GNAI2: variants seen among roughly 807,000 people sequenced by gnomAD.
GNAI2 encodes guanine nucleotide-binding protein G(i) subunit alpha-2.
GNAI2 carries 4 observed loss-of-function variants against 36.8 expected under a neutral mutation model. The ratio of observed to expected loss-of-function variants is 0.11; its 90% confidence interval spans 0.05 to 0.25. GNAI2 has a LOEUF of 0.25. GNAI2 is among the 10% of genes least tolerant of loss of function. The probability of loss-of-function intolerance (pLI) is 1.00; values close to 1 mark genes in which losing one functional copy is unlikely to be tolerated. For missense variants in GNAI2, 230 were observed against 481.3 expected (o/e 0.48, Z 4.89); for synonymous variants, 194 against 194.1 (o/e 1.00, Z 0.01).
In GNAI2 at chr3:50,238,020, T is replaced by A. The variant is rs782804823; in HGVS notation, c.118+1567T>A. On this transcript the variant is annotated intron_variant, in intron 1 of 8. Coordinates refer to ENST00000313601, the MANE Select transcript of GNAI2 (RefSeq NM_002070.4). This position sits in a 1 kb window ranked among gnomAD's most constrained non-coding sequence, Gnocchi z 5.0. ...TTCAAAATGGCATCCGCTTCGCTGC[T>A]GCCTCAGGGAGGAAGAGAAGGGGCG... 2.4e-4 allele frequency: 36 copies of A among 152,396 alleles called. No individual in the cohort carries two copies. The highest frequency in any genetic ancestry group is 8.2e-4 in the African/African-American group (34 of 41,588). 9.4% of individuals were successfully genotyped at this position (152,396 alleles called of 1,614,324 possible).
intron 1 of GNAI2, chr3:50,239,970 T>A (rs587740407): frequency 6.6e-6 from 1 of 152,434 alleles, no homozygotes; most frequent in African/African-American, 2.4e-5. Flanking sequence ...TAGCAAGGGC[T>A]CAATGAAGTT....
chr3:50,257,294 A>C (rs1227030942), intron 7 of GNAI2, among the ~76,000 whole-genome samples: 1 of 152,196 alleles, frequency 6.6e-6, no homozygotes, highest in African/African-American at 2.4e-5. Context: ...ACCCCTGAAC[A>C]TGTGTACATG....
chr3:50,258,897 GGAA>G lies in GNAI2; in HGVS notation c.*555_*557del. On this transcript the variant is annotated 3_prime_UTR_variant, in exon 9 of 9. Transcript: ENST00000313601. Reference sequence around the variant, plus strand: ...AGCTTTTTAAAAAAATGAAAGTAAAGGAAAAAAAAAAAACTGCAAATCTAGAAA... The same window carrying G: ...AGCTTTTTAAAAAAATGAAAGTAAAGAAAAAAAAAACTGCAAATCTAGAAA... The G allele has an allele frequency of 5.0e-6, 2 of 398,936 alleles. No individual in the cohort carries two copies. Among genetic ancestry groups the G allele is most frequent in the Admixed American group, 1.1e-4 (2 of 18,328 alleles). The allele number at this position is 398,936 out of a possible 1,614,324, so 24.7% of individuals were successfully genotyped here.
Position 50,241,092 on chromosome 3 carries a change from T to C in GNAI2, c.118+4639T>C, listed in dbSNP as rs1315661496. The stretch of plus-strand genomic sequence containing the variant: ...CACAGCAAGTGGGGAGCCCAAGGCG[T>C]GCAGATAGTTGGTGCCAGCAGGAGT... On this transcript the variant is annotated intron_variant, in intron 1 of 8. Transcript: ENST00000313601. This position sits in a 1 kb window ranked among gnomAD's most constrained non-coding sequence, Gnocchi z 5.0. Among the ~76,000 whole-genome samples the C allele has an allele frequency of 6.6e-6, 1 of 152,062 alleles. No homozygotes were observed. Among genetic ancestry groups the C allele is most frequent in the Non-Finnish European group, 1.5e-5 (1 of 67,996 alleles).
rs1553703717 is a variant in GNAI2 at position 50,258,967 on chromosome 3, C to T, written c.*624C>T. ...CTATTTAAAACTGTCAGATCCTGAC[C>T]AGCAAGCCCCCCCCCAGCCCCCCTT... is the stretch of plus-strand genomic sequence containing the variant. On this transcript the variant is annotated 3_prime_UTR_variant, in exon 9 of 9. Coordinates refer to ENST00000313601, the MANE Select transcript of GNAI2 (RefSeq NM_002070.4). 1 of 450,728 alleles carries T rather than the reference C, an allele frequency of 2.2e-6. No individual in the cohort carries two copies. Among genetic ancestry groups the T allele is most frequent in the Non-Finnish European group, 4.4e-6 (1 of 225,464 alleles). 27.9% of individuals were successfully genotyped at this position (450,728 alleles called of 1,614,324 possible).
rs1553702663 is a variant in GNAI2 at position 50,252,561 on chromosome 3, T to C, written c.303+23T>C. The C allele has an allele frequency of 3.1e-6, 5 of 1,598,196 alleles. No homozygotes were observed. Among genetic ancestry groups the C allele is most frequent in the Non-Finnish European group, 4.3e-6 (5 of 1,169,032 alleles). On this transcript the variant is annotated intron_variant, in intron 3 of 8. Coordinates refer to ENST00000313601, the MANE Select transcript of GNAI2 (RefSeq NM_002070.4). The surrounding 1 kb of genome is among the most constrained non-coding windows in gnomAD (Gnocchi z 4.1). ...GCGGTATGTGCCCTCCGCCCCACCC[T>C]CTCCCACCTCCCAAAAGGTTTCGGG...
In GNAI2 at chr3:50,255,789, G is replaced by A. The variant is rs921950403; in HGVS notation, c.465-403G>A. 6.6e-6 allele frequency among the ~76,000 whole-genome samples: 1 copy of A among 152,106 alleles called. No individual in the cohort carries two copies. Among genetic ancestry groups the A allele is most frequent in the African/African-American group, 2.4e-5 (1 of 41,412 alleles). ...GCCTAGGCCAGGCGCAGTGGCTCAC[G>A]CCTGTAATCCCAGCACTCTGGGAGG... On this transcript the variant is annotated intron_variant, in intron 4 of 8. Coordinates refer to ENST00000313601, the MANE Select transcript of GNAI2 (RefSeq NM_002070.4). This position sits in a 1 kb window ranked among gnomAD's most constrained non-coding sequence, Gnocchi z 4.0.
At chr3:50,254,639 A>G (rs1329830830) in intron 4 of GNAI2, among the ~76,000 whole-genome samples, 1 of 152,184 alleles carries the variant, frequency 6.6e-6, no homozygotes, top group Non-Finnish European at 1.5e-5. Flanking sequence ...TGGCCCAGCC[A>G]CCAGCGAGCT....
intron 1 of GNAI2, among the ~76,000 whole-genome samples, chr3:50,243,768 T>G (rs1352497044): frequency 2.0e-5 from 3 of 152,200 alleles, no homozygotes; most frequent in African/African-American, 7.2e-5. Flanking sequence ...ATGACCCATG[T>G]AGTGATTAAG....
Position 50,252,091 on chromosome 3 carries a change from C to T in GNAI2, c.119-9C>T. On this transcript the variant is annotated splice_polypyrimidine_tract_variant and intron_variant, in intron 1 of 8. Transcript: ENST00000313601. This position sits in a 1 kb window ranked among gnomAD's most constrained non-coding sequence, Gnocchi z 4.1. ...CCTGCCCCCTGACCACCTGTGCCCT[C>T]TGTTCCAGGTGCTGGGGAGTCAGGG... is the stretch of plus-strand genomic sequence containing the variant. 1 of 1,613,726 alleles carries T rather than the reference C, an allele frequency of 6.2e-7. No homozygotes were observed. The highest frequency in any genetic ancestry group is 8.5e-7 in the Non-Finnish European group (1 of 1,179,708).
rs1700293094 is a variant in GNAI2 at position 50,241,270 on chromosome 3, A to G, written c.118+4817A>G. On this transcript the variant is annotated intron_variant, in intron 1 of 8. Coordinates refer to ENST00000313601, the MANE Select transcript of GNAI2 (RefSeq NM_002070.4). The surrounding 1 kb of genome is among the most constrained non-coding windows in gnomAD (Gnocchi z 5.0). The stretch of plus-strand genomic sequence containing the variant: ...GCCCTCTCCTTCACTGCTGGAGCTC[A>G]TTAGCACTTGAATGGGGGGCGGGGC... 6.6e-6 allele frequency among the ~76,000 whole-genome samples: 1 copy of G among 152,184 alleles called. No individual in the cohort carries two copies. The highest frequency in any genetic ancestry group is 6.5e-5 in the Admixed American group (1 of 15,282).
rs782041025 is a variant in GNAI2, at chr3:50,252,858, C to T, written c.304-166C>T. Among the ~76,000 whole-genome samples, 2 of 152,046 alleles carry T rather than the reference C, an allele frequency of 1.3e-5. No individual in the cohort carries two copies. Among genetic ancestry groups the T allele is most frequent in the Middle Eastern group, 3.2e-3 (1 of 316 alleles). ...TAGCCTTGGTGACAGAGCTAGACTC[C>T]GTCACAGAAAAAAGTAAACAACAAC... On this transcript the variant is annotated intron_variant, in intron 3 of 8. Coordinates refer to ENST00000313601, the MANE Select transcript of GNAI2 (RefSeq NM_002070.4). This position sits in a 1 kb window ranked among gnomAD's most constrained non-coding sequence, Gnocchi z 4.1.
intron 1 of GNAI2, among the ~76,000 whole-genome samples, chr3:50,240,674 T>C (rs1553700916): frequency 6.6e-6 from 1 of 151,972 alleles, no homozygotes; most frequent in Non-Finnish European, 1.5e-5. Flanking sequence ...CCCAGCACTT[T>C]GGGAGGTTGA....
chr3:50,242,605 C>G lies in GNAI2; in HGVS notation c.118+6152C>G, dbSNP rs782451260. 6.6e-6 allele frequency among the ~76,000 whole-genome samples: 1 copy of G among 152,042 alleles called. No individual in the cohort carries two copies. Among genetic ancestry groups the G allele is most frequent in the Non-Finnish European group, 1.5e-5 (1 of 68,008 alleles). Reference sequence around the variant, plus strand: ...CTTGAAGCTCTCGTTCTTACTAAACCCCAACCCCACCCTCACCCTGATGTT... The same window carrying G: ...CTTGAAGCTCTCGTTCTTACTAAACGCCAACCCCACCCTCACCCTGATGTT... On this transcript the variant is annotated intron_variant, in intron 1 of 8. Coordinates refer to ENST00000313601, the MANE Select transcript of GNAI2 (RefSeq NM_002070.4). The surrounding 1 kb of genome is among the most constrained non-coding windows in gnomAD (Gnocchi z 4.8).
chr3:50,251,076 G>C (rs587650751), intron 1 of GNAI2, among the ~76,000 whole-genome samples: 1 of 152,148 alleles, frequency 6.6e-6, no homozygotes, highest in African/African-American at 2.4e-5. Context: ...CTCCCAAAGT[G>C]CTGGGATTAC....
upstream of GNAI2, among the ~76,000 whole-genome samples, chr3:50,232,380 T>C (rs1426819438): frequency 6.6e-6 from 1 of 152,210 alleles, no homozygotes; most frequent in Non-Finnish European, 1.5e-5. Context: ...GAGGGCTTTC[T>C]ATGTGCCATG....
chr3:50,229,892 C>T (rs1350217340), upstream of GNAI2: 3 of 152,304 alleles, frequency 2.0e-5, no homozygotes, highest in African/African-American at 7.2e-5. Flanking sequence ...ATAGGGTTCT[C>T]AGCACATTGG....
chr3:50,247,716 G>A (rs1700455614), intron 1 of GNAI2, among the ~76,000 whole-genome samples: 1 of 152,258 alleles, frequency 6.6e-6, no homozygotes, highest in Non-Finnish European at 1.5e-5. Flanking sequence ...CCTACCTGCT[G>A]TGGGCCCTAA....
rs1553703740 is a variant in GNAI2 at position 50,259,059 on chromosome 3, G to T, written c.*716G>T. 1 of 402,066 alleles carries T rather than the reference G, an allele frequency of 2.5e-6. No individual in the cohort carries two copies. Among genetic ancestry groups the T allele is most frequent in the East Asian group, 7.2e-5 (1 of 13,826 alleles). 24.9% of individuals were successfully genotyped at this position (402,066 alleles called of 1,614,324 possible). The stretch of plus-strand genomic sequence containing the variant: ...CCGTCCCTCTGCTGGCCGCCCCCGT[G>T]CGAGCGGCACCCCTGCCCTGCCCTC... On this transcript the variant is annotated 3_prime_UTR_variant, in exon 9 of 9. Coordinates refer to ENST00000313601, the MANE Select transcript of GNAI2 (RefSeq NM_002070.4).
Sources: gnomAD v4.1 joint callset for allele counts (sites outside exome capture counted in the v4.1 genomes callset) on GRCh38, gnomAD v4.1.1 for gene constraint, Gnocchi (gnomAD v3.1) non-coding constraint, MANE v1.5 for transcripts, NCBI Gene and HGNC (gene_info 2026-07-23, HGNC 2026-07-21) for gene names.